TULP4: variants seen among roughly 807,000 people sequenced by gnomAD.
The protein encoded by TULP4 is TUB like protein 4.
A neutral mutation model predicts 129.0 loss-of-function variants in TULP4; 16 were observed. That is an observed-to-expected ratio of 0.12 (90% CI 0.08 to 0.19). The LOEUF (loss-of-function observed/expected upper bound fraction) is 0.19. Ranked by LOEUF, TULP4 falls within the 10% of genes least tolerant of loss-of-function variation. The pLI is 1.00. For synonymous variants in TULP4, 998 were observed against 854.0 expected, an observed-to-expected ratio of 1.17 and a Z score of -2.94; for missense variants, 1,842 against 2,059.1, an observed-to-expected ratio of 0.89 and a Z score of 2.04.
chr6:158,360,967 T>C (rs1780773890), intron 1 of TULP4, among the ~76,000 whole-genome samples: 1 of 152,228 alleles, frequency 6.6e-6, no homozygotes, highest in Non-Finnish European at 1.5e-5. Context: ...TTTCTGTTTA[T>C]CTCCTTATTT....
At chr6:158,331,201 C>G (rs1779870092) in intron 1 of TULP4, among the ~76,000 whole-genome samples, 2 of 152,064 alleles carry the variant, frequency 1.3e-5, no homozygotes, top group Non-Finnish European at 2.9e-5. Flanking sequence ...ATTGATGATT[C>G]TTCCATGAGC....
At chr6:158,409,292 C>T (rs1429205376) in intron 1 of TULP4, among the ~76,000 whole-genome samples, 1 of 152,130 alleles carries the variant, frequency 6.6e-6, no homozygotes, top group Non-Finnish European at 1.5e-5. Context: ...AATGAGAGAA[C>T]ATGTCTTATA....
At chr6:158,255,461 G>T (rs982486664) in intron 1 of TULP4, among the ~76,000 whole-genome samples, 1 of 152,150 alleles carries the variant, frequency 6.6e-6, no homozygotes, top group Non-Finnish European at 1.5e-5. Context: ...GACTGTAGGG[G>T]TGAGCCAGAG....
At chr6:158,423,620 T>C (rs1400391546) in intron 2 of TULP4, among the ~76,000 whole-genome samples, 1 of 114,062 alleles carries the variant, frequency 8.8e-6, no homozygotes, top group Non-Finnish European at 1.8e-5. Context: ...TTTGTTGTTA[T>C]TTGTTTTTGT....
At chr6:158,244,975 A>T (rs1472322201) in intron 1 of TULP4, among the ~76,000 whole-genome samples, 1 of 152,008 alleles carries the variant, frequency 6.6e-6, no homozygotes, top group Non-Finnish European at 1.5e-5. Context: ...TATGTTGGCA[A>T]TATAATTTAG....
At chr6:158,285,971 C>G (rs764909668) in intron 1 of TULP4, among the ~76,000 whole-genome samples, 20 of 152,128 alleles carry the variant, frequency 1.3e-4, no homozygotes, top group Non-Finnish European at 2.2e-4. Flanking sequence ...ATGAAAATGC[C>G]AGGGGATTAT....
chr6:158,373,829 TG>T (rs1282750307), intron 1 of TULP4, among the ~76,000 whole-genome samples: 1 of 152,178 alleles, frequency 6.6e-6, no homozygotes, highest in Non-Finnish European at 1.5e-5. Flanking sequence ...TGTGTTCTGG[TG>T]GTTGAAGACA....
At chr6:158,364,639 C>T (rs1427515848) in intron 1 of TULP4, among the ~76,000 whole-genome samples, 5 of 152,158 alleles carry the variant, frequency 3.3e-5, no homozygotes, top group Admixed American at 3.3e-4. Flanking sequence ...AATTATCATT[C>T]CCTTTTAACT....
chr6:158,505,860 C>T (rs1582888995), intron 13 of TULP4, among the ~76,000 whole-genome samples: 2 of 146,122 alleles, frequency 1.4e-5, no homozygotes, highest in African/African-American at 2.5e-5. Flanking sequence ...TCACCCCATT[C>T]TTTTTTTTTT....
chr6:158,511,228 T>G lies in TULP4; in HGVS notation c.*4534T>G, dbSNP rs1250692916. On this transcript the variant is annotated 3_prime_UTR_variant, in exon 14 of 14. Coordinates refer to ENST00000367097, the MANE Select transcript of TULP4 (RefSeq NM_020245.5). ...GTTGTTTATTGTAGATAAAAATTTT[T>G]TCGTGTTGTAGAAAAGCATGGGTTA... The G allele has an allele frequency of 6.6e-6, 1 of 152,632 alleles. No homozygotes were observed. The highest frequency in any genetic ancestry group is 1.5e-5 in the Non-Finnish European group (1 of 68,042). 9.5% of individuals were successfully genotyped at this position (152,632 alleles called of 1,614,324 possible).
At position 158,389,073 on chromosome 6, in the gene TULP4, T is replaced by C. The variant is rs577030270; in HGVS notation, c.253-23992T>C. Among the ~76,000 whole-genome samples, 13 of 152,374 alleles carry C rather than the reference T, an allele frequency of 8.5e-5. No homozygotes were observed. The South Asian group carries it at 2.3e-3, about 27-fold the overall frequency. Reference sequence around the variant, plus strand: ...TTTATAGTGGAACTACAAACCAGAATAAACAACAGTTTCATAATTTTGCCA... The same window carrying C: ...TTTATAGTGGAACTACAAACCAGAACAAACAACAGTTTCATAATTTTGCCA... On this transcript the variant is annotated intron_variant, in intron 1 of 13. Coordinates refer to ENST00000367097, the MANE Select transcript of TULP4 (RefSeq NM_020245.5).
In TULP4 at chr6:158,423,120, A is replaced by AGG. The variant is rs746768899; in HGVS notation, c.382-6615_382-6614insGG. Among the ~76,000 whole-genome samples, 115 of 58,958 alleles carry AGG rather than the reference A, an allele frequency of 2.0e-3. 3 individuals are homozygous for AGG. The highest frequency in any genetic ancestry group is 2.7e-3 in the Non-Finnish European group (73 of 27,538). The allele number at this position is 58,958 out of a possible 152,430, so 38.7% of individuals were successfully genotyped here. Reference sequence around the variant, plus strand: ...AGCAAGACCCCTTCCTCCACAAAAAAGAGGGGGGGGGGGGGAAAGAAACCT... The same window carrying AGG: ...AGCAAGACCCCTTCCTCCACAAAAAAGGGAGGGGGGGGGGGGGAAAGAAACCT... On this transcript the variant is annotated intron_variant, in intron 2 of 13. Coordinates refer to ENST00000367097, the MANE Select transcript of TULP4 (RefSeq NM_020245.5).
At chr6:158,392,999 AAATC>A (rs1472118142) in intron 1 of TULP4, among the ~76,000 whole-genome samples, 29 of 136,128 alleles carry the variant, frequency 2.1e-4, no homozygotes, top group African/African-American at 6.3e-4. Context: ...AAAAAAAAAA[AAATC>A]AACAACAAGT....
chr6:158,268,586 C>T (rs555638274), intron 1 of TULP4, among the ~76,000 whole-genome samples: 113 of 152,234 alleles, frequency 7.4e-4, no homozygotes, highest in Non-Finnish European at 1.3e-3. Context: ...AATCACTTCC[C>T]AAAGGCCCCA....
intron 1 of TULP4, among the ~76,000 whole-genome samples, chr6:158,248,765 A>G (rs1200391422): frequency 6.6e-6 from 1 of 151,974 alleles, no homozygotes; most frequent in East Asian, 1.9e-4. Context: ...TAAGTAAGTA[A>G]GTAAATAAAT....
chr6:158,290,685 T>C (rs1214002984), intron 1 of TULP4, among the ~76,000 whole-genome samples: 1 of 152,242 alleles, frequency 6.6e-6, no homozygotes, highest in Non-Finnish European at 1.5e-5. Context: ...TTACCTAAGA[T>C]AATTAAGTAT....
rs531917822 is a variant in TULP4 at position 158,365,015 on chromosome 6, G to A, written c.253-48050G>A. On this transcript the variant is annotated intron_variant, in intron 1 of 13. Coordinates refer to ENST00000367097, the MANE Select transcript of TULP4 (RefSeq NM_020245.5). ...CTCCCAAAGTGCTGGGATTACAGGC[G>A]TGAGCCACCGCGCCCAGCCCCTAGA... Among the ~76,000 whole-genome samples the A allele has an allele frequency of 2.8e-4, 42 of 151,960 alleles. No individual in the cohort carries two copies. The South Asian group carries it at 7.9e-3, about 29-fold the overall frequency.
intron 3 of TULP4, among the ~76,000 whole-genome samples, chr6:158,444,024 C>A (rs1022014321): frequency 6.6e-6 from 1 of 151,732 alleles, no homozygotes; most frequent in Non-Finnish European, 1.5e-5. Flanking sequence ...TTGAGACCAT[C>A]CTGGCTAACA....
At chr6:158,303,094 CTGT>C (rs1583721001) in intron 1 of TULP4, among the ~76,000 whole-genome samples, 2 of 149,408 alleles carry the variant, frequency 1.3e-5, no homozygotes, top group East Asian at 2.0e-4. Flanking sequence ...TGCAGGTGGG[CTGT>C]TGTTCAGAAA....
Sources: allele counts gnomAD v4.1 joint callset (sites outside exome capture counted in the v4.1 genomes callset), GRCh38; gene constraint gnomAD v4.1.1; transcripts MANE v1.5; gene names NCBI Gene and HGNC (gene_info 2026-07-23, HGNC 2026-07-21).